Variants in EYS observed in about 807,000 individuals in gnomAD.
EYS encodes the protein EGF-like photoreceptor maintenance factor.
Under a neutral mutation model 282.1 loss-of-function variants are expected in EYS, and 250 were observed. The ratio of observed to expected loss-of-function variants is 0.89; its 90% CI spans 0.80 to 0.98. The LOEUF (loss-of-function observed/expected upper bound fraction) is 0.98. EYS is among the 50% of genes least tolerant of loss of function. The pLI, the probability that EYS is intolerant of heterozygous loss-of-function variation, is 0.00. For missense variants in EYS, 4,016 were observed against 3,709.0 expected (o/e 1.08, Z -2.15); for synonymous variants, 1,355 against 1,282.9 (o/e 1.06, Z -1.20).
At chr6:64,755,414 T>C (rs1583118186) in intron 22 of EYS, among the ~76,000 whole-genome samples, 2 of 151,388 alleles carry the variant, frequency 1.3e-5, no homozygotes, top group South Asian at 2.1e-4. Context: ...GAATTGAAAG[T>C]CCTGAAATTC....
At chr6:64,727,066 G>T (rs1771780789) in intron 22 of EYS, among the ~76,000 whole-genome samples, 1 of 152,118 alleles carries the variant, frequency 6.6e-6, no homozygotes, top group African/African-American at 2.4e-5. Flanking sequence ...ATTCTCTCCA[G>T]AGGAATATGG....
intron 31 of EYS, among the ~76,000 whole-genome samples, chr6:64,197,688 ATT>A (rs920632451): frequency 1.3e-5 from 2 of 151,428 alleles, no homozygotes; most frequent in Non-Finnish European, 2.9e-5. Context: ...AAATATATAT[ATT>A]GTACCCCTTA....
chr6:64,867,751 C>G (rs7763853), intron 19 of EYS, among the ~76,000 whole-genome samples: 3,772 of 151,712 alleles, frequency 0.025, 158 homozygotes, highest in African/African-American at 0.087. Flanking sequence ...GCTTGAACTT[C>G]CAGAAAATTC....
chr6:65,450,995 T>A (rs1453778592), intron 5 of EYS, among the ~76,000 whole-genome samples: 2 of 152,176 alleles, frequency 1.3e-5, no homozygotes, highest in Non-Finnish European at 2.9e-5. Flanking sequence ...TGTATATACA[T>A]GCTTTGTACT....
intron 9 of EYS, among the ~76,000 whole-genome samples, chr6:65,344,469 T>C (rs902512489): frequency 2.6e-5 from 4 of 151,376 alleles, no homozygotes; most frequent in Non-Finnish European, 4.4e-5. Flanking sequence ...TTAATAATTA[T>C]AAGAAAGGAT....
At chr6:64,362,452 C>T (rs1772048969) in intron 29 of EYS, among the ~76,000 whole-genome samples, 1 of 151,668 alleles carries the variant, frequency 6.6e-6, no homozygotes, top group Non-Finnish European at 1.5e-5. Flanking sequence ...GTAGAGGTTG[C>T]TAATAAAGAA....
chr6:63,912,645 G>C (rs1041245916), intron 35 of EYS, among the ~76,000 whole-genome samples: 1 of 152,120 alleles, frequency 6.6e-6, no homozygotes, highest in Non-Finnish European at 1.5e-5. Context: ...ATGTTGGAGG[G>C]GGGCCTGGTG....
intron 22 of EYS, among the ~76,000 whole-genome samples, chr6:64,735,071 A>G (rs971907312): frequency 3.9e-5 from 6 of 152,072 alleles, no homozygotes; most frequent in African/African-American, 1.4e-4. Flanking sequence ...ATGGTACAGT[A>G]TAGGTTAAGT....
chr6:65,059,966 C>A (rs1487789993), intron 12 of EYS, among the ~76,000 whole-genome samples: 1 of 152,024 alleles, frequency 6.6e-6, no homozygotes, highest in Non-Finnish European at 1.5e-5. Context: ...ATCACCCTGT[C>A]CCTCTCTAGG....
intron 22 of EYS, among the ~76,000 whole-genome samples, chr6:64,630,418 T>C (rs1452270260): frequency 2.6e-5 from 4 of 152,048 alleles, no homozygotes; most frequent in African/African-American, 4.8e-5. Context: ...TTTTTGACAG[T>C]TTTTATGAGT....
chr6:64,634,083 A>C (rs892482069), intron 22 of EYS, among the ~76,000 whole-genome samples: 14 of 152,334 alleles, frequency 9.2e-5, no homozygotes, highest in Admixed American at 7.8e-4. Flanking sequence ...TCCCGAGTTC[A>C]AGCAATTCTC....
intron 41 of EYS, chr6:63,744,923 G>T (rs976855024): frequency 2.6e-6 from 1 of 386,734 alleles, no homozygotes; most frequent in African/African-American, 2.2e-5. Flanking sequence ...CAGCAGTATA[G>T]TAGATTAGAT....
At chr6:65,227,303 T>C (rs1204189059) in intron 12 of EYS, among the ~76,000 whole-genome samples, 5 of 152,138 alleles carry the variant, frequency 3.3e-5, no homozygotes, top group Admixed American at 6.6e-5. Context: ...AGTTTAATGA[T>C]TACAAGGGGC....
At position 64,725,908 on chromosome 6, in the gene EYS, A is replaced by G. The variant is rs961028930; in HGVS notation, c.3443+87470T>C. ...AATCATGTAGCTACATTGCTGATAC[A>G]TTTAGGTGGCCTTCTAATGCCTACA... On this transcript the variant is annotated intron_variant, in intron 22 of 42. Coordinates refer to ENST00000503581, the MANE Select transcript of EYS (RefSeq NM_001142800.2). Among the ~76,000 whole-genome samples, 19 of 152,132 alleles carry G rather than the reference A, an allele frequency of 1.2e-4. 1 individual carries two copies. Among genetic ancestry groups the G allele is most frequent in the African/African-American group, 4.3e-4 (18 of 41,442 alleles).
At chr6:64,387,474 T>C (rs1303129366) in intron 29 of EYS, among the ~76,000 whole-genome samples, 1 of 152,128 alleles carries the variant, frequency 6.6e-6, no homozygotes, top group African/African-American at 2.4e-5. Context: ...GGAAAAAGTA[T>C]AGTTATGAAA....
intron 1 of EYS, among the ~76,000 whole-genome samples, chr6:65,681,264 C>T (rs1768803140): frequency 6.6e-6 from 1 of 152,120 alleles, no homozygotes; most frequent in Admixed American, 6.6e-5. Context: ...GTCTATCTGG[C>T]AACCAACTGT....
intron 2 of EYS, among the ~76,000 whole-genome samples, chr6:65,554,185 T>C (rs561424090): frequency 7.2e-4 from 109 of 152,294 alleles, no homozygotes; most frequent in African/African-American, 2.4e-3. Context: ...GTTAAATTTT[T>C]GTTGTTTATA....
At chr6:64,935,509 T>G (rs532308628) in intron 15 of EYS, among the ~76,000 whole-genome samples, 7 of 151,406 alleles carry the variant, frequency 4.6e-5, no homozygotes, top group African/African-American at 1.7e-4. Context: ...AAAAAAGCAA[T>G]AGAATAACAC....
At chr6:65,008,029 G>GA (rs1239323044) in intron 13 of EYS, among the ~76,000 whole-genome samples, 1 of 152,132 alleles carries the variant, frequency 6.6e-6, no homozygotes, top group Non-Finnish European at 1.5e-5. Context: ...GACAACAGAG[G>GA]AAAAAGAATG....
Sources: gnomAD v4.1 joint callset for allele counts (sites outside exome capture counted in the v4.1 genomes callset) on GRCh38, gnomAD v4.1.1 for gene constraint, MANE v1.5 for transcripts, NCBI Gene and HGNC (gene_info 2026-07-23, HGNC 2026-07-21) for gene names.